SMOC2: variants seen among roughly 807,000 people sequenced by gnomAD.
The protein encoded by SMOC2 is SPARC-related modular calcium-binding protein 2.
In SMOC2, 39 loss-of-function variants were observed where a neutral mutation model predicts 61.4. That is an observed-to-expected ratio of 0.64 (90% CI 0.49 to 0.83). The LOEUF is 0.83. Ranked by LOEUF, SMOC2 falls within the 40% of genes least tolerant of loss-of-function variation. The pLI is 0.00. For missense variants in SMOC2, 556 were observed against 592.9 expected, an observed-to-expected ratio of 0.94 and a Z score of 0.65; for synonymous variants, 247 against 239.9, an observed-to-expected ratio of 1.03 and a Z score of -0.27.
intron 2 of SMOC2, among the ~76,000 whole-genome samples, chr6:168,515,855 C>T (rs1783119872): frequency 6.6e-6 from 1 of 151,900 alleles, no homozygotes; most frequent in Non-Finnish European, 1.5e-5. Context: ...AAATATTGCA[C>T]ATTCCACAAC....
intron 7 of SMOC2, among the ~76,000 whole-genome samples, chr6:168,580,068 G>A (rs1404485636): frequency 6.6e-6 from 1 of 151,708 alleles, no homozygotes; most frequent in Non-Finnish European, 1.5e-5. Flanking sequence ...GTTCCGAGAT[G>A]GTCTGTCTTT....
intron 9 of SMOC2, among the ~76,000 whole-genome samples, chr6:168,626,204 G>C (rs1267060331): frequency 1.3e-5 from 2 of 152,172 alleles, no homozygotes. Flanking sequence ...GGTTATGCGA[G>C]ACAGACCTGT....
chr6:168,614,768 G>A (rs1243591057), intron 9 of SMOC2, among the ~76,000 whole-genome samples: 1 of 60,960 alleles, frequency 1.6e-5, no homozygotes, highest in East Asian at 7.0e-4. Flanking sequence ...CCTACAGCCA[G>A]CACAGGGCCT....
intron 9 of SMOC2, among the ~76,000 whole-genome samples, chr6:168,648,349 C>T (rs911116792): frequency 5.9e-5 from 9 of 152,220 alleles, no homozygotes; most frequent in African/African-American, 1.2e-4. Context: ...TTCTCCTGGA[C>T]GGCTGGCCTG....
intron 9 of SMOC2, among the ~76,000 whole-genome samples, chr6:168,611,206 C>T (rs1202350396): frequency 1.4e-5 from 2 of 147,126 alleles, no homozygotes; most frequent in Non-Finnish European, 3.0e-5. Context: ...CTATGTGGCT[C>T]CCGTGTCGGG....
intron 9 of SMOC2, among the ~76,000 whole-genome samples, chr6:168,635,754 C>T (rs1458584272): frequency 6.6e-5 from 10 of 151,738 alleles, no homozygotes; most frequent in Non-Finnish European, 1.2e-4. Flanking sequence ...GCCTGTAATC[C>T]CAGCTACTTG....
chr6:168,510,374 ATTTC>A (rs1003507894), intron 2 of SMOC2, among the ~76,000 whole-genome samples: 17 of 152,186 alleles, frequency 1.1e-4, no homozygotes, highest in Admixed American at 2.6e-4. Flanking sequence ...TCTCAATAAG[ATTTC>A]TTTCTTTCTT....
chr6:168,608,966 C>A (rs779948474), intron 9 of SMOC2, among the ~76,000 whole-genome samples: 2 of 152,128 alleles, frequency 1.3e-5, no homozygotes, highest in Non-Finnish European at 2.9e-5. Context: ...GGATGAATTC[C>A]GGATGAGTAA....
intron 9 of SMOC2, among the ~76,000 whole-genome samples, chr6:168,623,329 A>ATTTTTTTTTTTTTTTTTTTTTTTTTTT (rs11284179): frequency 2.3e-5 from 3 of 129,108 alleles, no homozygotes; most frequent in South Asian, 2.5e-4. Flanking sequence ...TGGATAATTA[A>ATTTTTTTTTTTTTTTTTTTTTTTTTTT]TTTTTTTTTT....
chr6:168,599,618 C>T (rs1348484310), intron 8 of SMOC2, among the ~76,000 whole-genome samples: 1 of 110,148 alleles, frequency 9.1e-6, no homozygotes, highest in Non-Finnish European at 1.9e-5. Context: ...CCCACACACA[C>T]TCATACCACA....
At chr6:168,663,250 A>G (rs1438093128) in intron 11 of SMOC2, among the ~76,000 whole-genome samples, 1 of 152,144 alleles carries the variant, frequency 6.6e-6, no homozygotes, top group African/African-American at 2.4e-5. Flanking sequence ...AGCAGGAAGG[A>G]GACTTTCCCA....
chr6:168,656,526 AAAAAGAAAAG>A (rs1234718962), intron 11 of SMOC2, among the ~76,000 whole-genome samples: 141 of 120,030 alleles, frequency 1.2e-3, no homozygotes, highest in African/African-American at 4.4e-3. Context: ...AAAAAAAAAA[AAAAAGAAAAG>A]AAAAGAAAAA....
intron 1 of SMOC2, among the ~76,000 whole-genome samples, chr6:168,468,048 T>G (rs1359491219): frequency 6.6e-6 from 1 of 152,186 alleles, no homozygotes; most frequent in Non-Finnish European, 1.5e-5. Flanking sequence ...GTGGATGCAT[T>G]TCACTGATAA....
intron 7 of SMOC2, among the ~76,000 whole-genome samples, chr6:168,582,922 G>A (rs1422980390): frequency 6.6e-6 from 1 of 152,056 alleles, no homozygotes; most frequent in African/African-American, 2.4e-5. Flanking sequence ...GGACACTGTG[G>A]CGCCCTCTCA....
chr6:168,587,937 A>G (rs1203813849), intron 7 of SMOC2, among the ~76,000 whole-genome samples: 1 of 151,696 alleles, frequency 6.6e-6, no homozygotes, highest in Non-Finnish European at 1.5e-5. Context: ...GTGGCTTATA[A>G]ACAACAGAAA....
chr6:168,599,099 G>A (rs1256803767), intron 8 of SMOC2, 95 bp downstream of exon 8: 18 of 1,140,816 alleles, frequency 1.6e-5, no homozygotes, highest in East Asian at 1.0e-4. Flanking sequence ...AACACACACC[G>A]ACACACAGTC....
chr6:168,580,299 A>T (rs886898337), intron 7 of SMOC2, among the ~76,000 whole-genome samples: 2 of 152,246 alleles, frequency 1.3e-5, no homozygotes, highest in African/African-American at 4.8e-5. Flanking sequence ...TTTTTAGAAC[A>T]TACATTTGAG....
Position 168,653,236 on chromosome 6 carries a change from C to A in SMOC2, c.1285+8C>A. On this transcript the variant is annotated splice_region_variant and intron_variant, in intron 11 of 12. Transcript: ENST00000356284. ...ACACCAAGAAACGCCACAGTAAGAGCTTTCCCACCCCCGACCCTGGGCAGT... is the reference window on the plus strand; with the variant it reads ...ACACCAAGAAACGCCACAGTAAGAGATTTCCCACCCCCGACCCTGGGCAGT... The A allele has an allele frequency of 1.2e-6, 2 of 1,609,610 alleles. No homozygotes were observed. The highest frequency in any genetic ancestry group is 1.7e-6 in the Non-Finnish European group (2 of 1,177,456).
chr6:168,596,878 T>C (rs1472810594), intron 7 of SMOC2, among the ~76,000 whole-genome samples: 1 of 152,276 alleles, frequency 6.6e-6, no homozygotes, highest in Non-Finnish European at 1.5e-5. Flanking sequence ...ACAGAACTTA[T>C]AAGACACAAT....
Sources: gnomAD v4.1 joint callset for allele counts (sites outside exome capture counted in the v4.1 genomes callset) on GRCh38, gnomAD v4.1.1 for gene constraint, MANE v1.5 for transcripts, NCBI Gene and HGNC (gene_info 2026-07-23, HGNC 2026-07-21) for gene names.